Variants in SPIDR observed in about 807,000 individuals in gnomAD.
The protein encoded by SPIDR is scaffold protein involved in DNA repair.
A neutral mutation model predicts 104.6 loss-of-function variants in SPIDR; 93 were observed. The observed-to-expected ratio is 0.89, with a 90% confidence interval of 0.75 to 1.06. The LOEUF (loss-of-function observed/expected upper bound fraction) is 1.06, where lower values mean the gene tolerates loss of function less well. Ranked by LOEUF, SPIDR falls within the 50% of genes least tolerant of loss-of-function variation. The pLI is 0.00. For missense variants in SPIDR, 1,154 were observed against 1,111.2 expected, an observed-to-expected ratio of 1.04 and a Z score of -0.55; for synonymous variants, 431 against 416.9, an observed-to-expected ratio of 1.03 and a Z score of -0.41.
chr8:47,349,671 C>T (rs2053016026), intron 5 of SPIDR, among the ~76,000 whole-genome samples: 1 of 152,216 alleles, frequency 6.6e-6, no homozygotes, highest in Non-Finnish European at 1.5e-5. Context: ...GAAGCCTCAG[C>T]AATGGCAGTC....
intron 8 of SPIDR, among the ~76,000 whole-genome samples, chr8:47,513,033 G>GT (rs1185845988): frequency 3.3e-5 from 5 of 152,154 alleles, no homozygotes; most frequent in Admixed American, 3.3e-4. Flanking sequence ...TCTACAGGCT[G>GT]TTTTAAGGTC....
chr8:47,649,425 A>G (rs561882368), intron 10 of SPIDR, among the ~76,000 whole-genome samples: 104 of 152,352 alleles, frequency 6.8e-4, no homozygotes, highest in South Asian at 2.5e-3. Context: ...TGTCAGGGTT[A>G]TGAAAGTCAA....
At chr8:47,387,906 A>T (rs782200697) in intron 5 of SPIDR, among the ~76,000 whole-genome samples, 10 of 152,142 alleles carry the variant, frequency 6.6e-5, no homozygotes, top group Non-Finnish European at 8.8e-5. Context: ...CCTGACATTC[A>T]AGATCCTCCA....
rs148391503 is a variant in SPIDR at position 47,355,729 on chromosome 8, C to T, written c.526-40647C>T. Among the ~76,000 whole-genome samples the T allele has an allele frequency of 2.7e-3, 417 of 152,306 alleles. 3 individuals carry two copies. Among genetic ancestry groups the T allele is most frequent in the African/African-American group, 9.3e-3 (388 of 41,572 alleles). Reference sequence around the variant, plus strand: ...TTCGAATGGAAGTTACATGTTTTCCCATTAAATCTTCCTTTGACAAAAATA... The same window carrying T: ...TTCGAATGGAAGTTACATGTTTTCCTATTAAATCTTCCTTTGACAAAAATA... On this transcript the variant is annotated intron_variant, in intron 5 of 19. Transcript: ENST00000297423.
intron 5 of SPIDR, among the ~76,000 whole-genome samples, chr8:47,386,892 A>C: frequency 1.4e-5 from 1 of 70,698 alleles, no homozygotes; most frequent in South Asian, 4.1e-4. Flanking sequence ...GAGAGAGAGA[A>C]AGAGAGAGAG....
chr8:47,472,639 T>C (rs1554721712), intron 8 of SPIDR, among the ~76,000 whole-genome samples: 2 of 152,188 alleles, frequency 1.3e-5, no homozygotes, highest in Non-Finnish European at 1.5e-5. Context: ...TACTGTACTT[T>C]TTCTATCTAG....
At chr8:47,377,825 A>G (rs1163138746) in intron 5 of SPIDR, among the ~76,000 whole-genome samples, 1 of 152,224 alleles carries the variant, frequency 6.6e-6, no homozygotes, top group Non-Finnish European at 1.5e-5. Flanking sequence ...TCAGCCTGCT[A>G]ATTCATTCCC....
At chr8:47,336,987 C>CT (rs772551375) in intron 5 of SPIDR, among the ~76,000 whole-genome samples, 2 of 152,060 alleles carry the variant, frequency 1.3e-5, no homozygotes, top group Non-Finnish European at 2.9e-5. Context: ...GGAATGGTAT[C>CT]TTTTTTGTTT....
chr8:47,317,174 G>A (rs1036127402), intron 5 of SPIDR, among the ~76,000 whole-genome samples: 94 of 152,294 alleles, frequency 6.2e-4, no homozygotes, highest in Non-Finnish European at 9.8e-4. Context: ...CCCAGGAAGC[G>A]CAAGGGGTCA....
intron 11 of SPIDR, among the ~76,000 whole-genome samples, chr8:47,678,071 C>T (rs943572657): frequency 3.6e-4 from 54 of 152,060 alleles, no homozygotes; most frequent in East Asian, 1.9e-4. Flanking sequence ...TTAATTCTCT[C>T]ACTTATTCAG....
chr8:47,653,911 G>T, intron 10 of SPIDR: 1 of 917,464 alleles, frequency 1.1e-6, no homozygotes, highest in Non-Finnish European at 1.3e-6. Context: ...AAAAAGAATT[G>T]TTTACACTAT....
intron 5 of SPIDR, among the ~76,000 whole-genome samples, chr8:47,338,114 C>T (rs1038844904): frequency 1.3e-5 from 2 of 152,096 alleles, no homozygotes; most frequent in Non-Finnish European, 2.9e-5. Flanking sequence ...CATTTCTGTA[C>T]TCTTATCCCC....
At chr8:47,539,352 C>T (rs1042573417) in intron 8 of SPIDR, among the ~76,000 whole-genome samples, 3 of 152,108 alleles carry the variant, frequency 2.0e-5, no homozygotes, top group Non-Finnish European at 4.4e-5. Context: ...ACAGAAGAGA[C>T]GGTGGGTATG....
chr8:47,633,193 C>G (rs1170565519), intron 10 of SPIDR, among the ~76,000 whole-genome samples: 1 of 152,162 alleles, frequency 6.6e-6, no homozygotes, highest in Non-Finnish European at 1.5e-5. Context: ...TGTGAGAAAC[C>G]TGGCTGTCAT....
At chr8:47,393,336 T>C (rs1299707249) in intron 5 of SPIDR, among the ~76,000 whole-genome samples, 1 of 152,250 alleles carries the variant, frequency 6.6e-6, no homozygotes, top group African/African-American at 2.4e-5. Context: ...CTCAATGTCT[T>C]GCTTAGACTA....
At chr8:47,324,802 T>TAA (rs1216351293) in intron 5 of SPIDR, among the ~76,000 whole-genome samples, 15 of 152,178 alleles carry the variant, frequency 9.9e-5, no homozygotes, top group African/African-American at 3.6e-4. Context: ...GCTGCGATGA[T>TAA]AAAGTACTAC....
intron 8 of SPIDR, among the ~76,000 whole-genome samples, chr8:47,590,030 C>T (rs2060796854): frequency 6.6e-6 from 1 of 151,780 alleles, no homozygotes; most frequent in Non-Finnish European, 1.5e-5. Context: ...AAAAATTAGC[C>T]GGGACTGGTG....
chr8:47,293,015 T>TTTA (rs2040205065), intron 4 of SPIDR, among the ~76,000 whole-genome samples: 1 of 152,122 alleles, frequency 6.6e-6, no homozygotes, highest in African/African-American at 2.4e-5. Flanking sequence ...AAATCTCTAA[T>TTTA]GTGTTCCCCT....
chr8:47,422,820 G>A (rs79594918), intron 7 of SPIDR, among the ~76,000 whole-genome samples: 8,169 of 152,208 alleles, frequency 0.054, 307 homozygotes, highest in Non-Finnish European at 0.082. Context: ...TCTTTGGTAT[G>A]TGGATGTCAG....
Sources: allele counts gnomAD v4.1 joint callset (sites outside exome capture counted in the v4.1 genomes callset), GRCh38; gene constraint gnomAD v4.1.1; transcripts MANE v1.5; gene names NCBI Gene and HGNC (gene_info 2026-07-23, HGNC 2026-07-21).